Variants in CALN1 observed in about 807,000 individuals in gnomAD.
The protein encoded by CALN1 is calneuron 1, also known as calcium-binding protein 8.
In CALN1, 17 loss-of-function variants were observed where a neutral mutation model predicts 30.6. The ratio of observed to expected loss-of-function variants is 0.56; its 90% CI spans 0.38 to 0.83. The LOEUF is 0.83. Among genes scored for constraint, CALN1 ranks in the 40% least tolerant of loss-of-function variants. CALN1 has a pLI of 0.00. For missense variants in CALN1, 291 were observed against 354.9 expected (o/e 0.82, Z 1.45); for synonymous variants, 156 against 131.4 (o/e 1.19, Z -1.28).
At chr7:72,253,111 C>T (rs1795677962) in intron 3 of CALN1, among the ~76,000 whole-genome samples, 1 of 151,988 alleles carries the variant, frequency 6.6e-6, no homozygotes, top group South Asian at 2.1e-4. Context: ...TCTACCTGGA[C>T]TTAGTCTCTT....
intron 4 of CALN1, among the ~76,000 whole-genome samples, chr7:72,086,277 G>A (rs942418920): frequency 7.2e-5 from 11 of 152,126 alleles, no homozygotes; most frequent in Non-Finnish European, 2.9e-5. Context: ...ACAGAAATAT[G>A]TGTTCAAATA....
the CALN1 span, among the ~76,000 whole-genome samples, chr7:72,488,386 A>G: frequency 1.3e-5 from 2 of 152,132 alleles, no homozygotes; most frequent in East Asian, 3.9e-4. Context: ...AATAAAAAAA[A>G]ATAAAAATAA....
chr7:71,862,761 C>T (rs941852021), intron 5 of CALN1, among the ~76,000 whole-genome samples: 4 of 152,150 alleles, frequency 2.6e-5, no homozygotes, highest in Admixed American at 1.3e-4. Context: ...TTTTGTTCAG[C>T]GTTTCTTCTA....
intron 5 of CALN1, among the ~76,000 whole-genome samples, chr7:71,976,282 G>A (rs556730241): frequency 6.6e-6 from 1 of 152,238 alleles, no homozygotes; most frequent in South Asian, 2.1e-4. Context: ...CAAGCAGGGT[G>A]GACTGAGAAC....
chr7:71,881,689 T>C (rs1056613871), intron 5 of CALN1, among the ~76,000 whole-genome samples: 2 of 152,112 alleles, frequency 1.3e-5, no homozygotes, highest in African/African-American at 4.8e-5. Flanking sequence ...GGGCTCTCCA[T>C]GATTTGACCT....
chr7:72,382,528 G>C (rs1407942156), intron 2 of CALN1, among the ~76,000 whole-genome samples: 1 of 152,096 alleles, frequency 6.6e-6, no homozygotes, highest in Non-Finnish European at 1.5e-5. Context: ...ATTGTGTAAT[G>C]CTGAGGTTTG....
intron 3 of CALN1, among the ~76,000 whole-genome samples, chr7:72,126,266 T>C (rs932058704): frequency 6.6e-6 from 1 of 152,122 alleles, no homozygotes; most frequent in Non-Finnish European, 1.5e-5. Flanking sequence ...TTTATGGCTA[T>C]TATTCCATGG....
chr7:72,393,179 G>A (rs1305129163), intron 2 of CALN1, among the ~76,000 whole-genome samples: 6 of 152,072 alleles, frequency 3.9e-5, no homozygotes, highest in Admixed American at 6.6e-5. Flanking sequence ...TTAAAAACTA[G>A]CACTCCGGCT....
intron 3 of CALN1, among the ~76,000 whole-genome samples, chr7:72,209,954 GT>G (rs888986093): frequency 3.3e-5 from 5 of 152,082 alleles, no homozygotes; most frequent in African/African-American, 1.2e-4. Context: ...TCAATCAAAA[GT>G]TCTAGATAAT....
At chr7:72,240,591 C>T (rs1794763739) in intron 3 of CALN1, among the ~76,000 whole-genome samples, 1 of 152,206 alleles carries the variant, frequency 6.6e-6, no homozygotes, top group African/African-American at 2.4e-5. Flanking sequence ...TTTGATCAAT[C>T]AACTGCTCCA....
At chr7:72,406,332 C>A (rs1177138367) in intron 1 of CALN1, among the ~76,000 whole-genome samples, 1 of 152,272 alleles carries the variant, frequency 6.6e-6, no homozygotes, top group East Asian at 1.9e-4. Context: ...GAAGCTTCTC[C>A]AAGACACAGG....
chr7:71,807,233 G>A (rs1236668697), intron 6 of CALN1, among the ~76,000 whole-genome samples: 2 of 152,134 alleles, frequency 1.3e-5, no homozygotes, highest in African/African-American at 4.8e-5. Context: ...GTGGATATGG[G>A]AGCAATATGG....
rs555274993 is a variant in CALN1 at position 72,371,250 on chromosome 7, T to G, written c.119+32001A>C. On this transcript the variant is annotated intron_variant, in intron 2 of 6. Coordinates refer to ENST00000395275, the MANE Select transcript of CALN1 (RefSeq NM_031468.4). Reference sequence around the variant, plus strand: ...AGTCTGTGATCCATTTTGAATTAAGTTTTGTGAGATCTAAGGATTGAAGTA... The same window carrying G: ...AGTCTGTGATCCATTTTGAATTAAGGTTTGTGAGATCTAAGGATTGAAGTA... Among the ~76,000 whole-genome samples the G allele has an allele frequency of 3.7e-4, 57 of 152,286 alleles. 1 individual carries two copies. Among genetic ancestry groups the G allele is most frequent in the African/African-American group, 1.3e-3 (54 of 41,552 alleles).
intron 2 of CALN1, among the ~76,000 whole-genome samples, chr7:72,387,274 A>AAGGGAGGG: frequency 8.5e-5 from 1 of 11,712 alleles, no homozygotes; most frequent in African/African-American, 2.6e-4. Flanking sequence ...GGAAGGGAGG[A>AAGGGAGGG]AGGGAGGGAG....
At chr7:72,361,431 A>C (rs532573235) in intron 2 of CALN1, among the ~76,000 whole-genome samples, 1 of 152,310 alleles carries the variant, frequency 6.6e-6, no homozygotes, top group South Asian at 2.1e-4. Context: ...GCTTGAACCC[A>C]GGAGTTTGAG....
chr7:72,278,011 G>GGGT (rs369381047), intron 3 of CALN1, among the ~76,000 whole-genome samples: 4 of 113,934 alleles, frequency 3.5e-5, no homozygotes, highest in Non-Finnish European at 7.3e-5. Flanking sequence ...TCTATTCCGG[G>GGGT]GGGGGGGGAC....
At chr7:71,999,757 C>T (rs1799434452) in intron 5 of CALN1, among the ~76,000 whole-genome samples, 1 of 152,270 alleles carries the variant, frequency 6.6e-6, no homozygotes, top group Admixed American at 6.5e-5. Flanking sequence ...AAGTGATCCA[C>T]CAGCCTCAGC....
chr7:71,943,444 A>G (rs1191631015), intron 5 of CALN1, among the ~76,000 whole-genome samples: 1 of 151,806 alleles, frequency 6.6e-6, no homozygotes. Context: ...ACAACAAAAG[A>G]ATTTTTCTTT....
At chr7:72,437,846 C>CCCTT (rs1237084201) in intron 1 of CALN1, among the ~76,000 whole-genome samples, 1 of 141,964 alleles carries the variant, frequency 7.0e-6, no homozygotes, top group Non-Finnish European at 1.5e-5. Context: ...CTTCCATCCT[C>CCCTT]CCTTCCTTCC....
Sources: gnomAD v4.1 joint callset for allele counts (sites outside exome capture counted in the v4.1 genomes callset) on GRCh38, gnomAD v4.1.1 for gene constraint, MANE v1.5 for transcripts, NCBI Gene and HGNC (gene_info 2026-07-23, HGNC 2026-07-21) for gene names.